The following APTX variants were observed in gnomAD, a reference collection of about 807,000 sequenced individuals.
APTX encodes the protein forkhead-associated domain histidine triad-like protein.
A neutral mutation model predicts 42.3 loss-of-function variants in APTX; 33 were observed. The ratio of observed to expected loss-of-function variants is 0.78; its 90% CI spans 0.59 to 1.04. APTX has a LOEUF of 1.04. APTX is among the 50% of genes least tolerant of loss of function. The pLI, the probability that APTX is intolerant of heterozygous loss-of-function variation, is 0.00. For missense variants in APTX, 421 were observed against 415.1 expected, an observed-to-expected ratio of 1.01 and a Z score of -0.12; for synonymous variants, 130 against 146.7, an observed-to-expected ratio of 0.89 and a Z score of 0.82.
intron 3 of APTX, 51 bp downstream of exon 3, chr9:32,988,032 C>T: frequency 6.3e-7 from 1 of 1,586,284 alleles, no homozygotes. Context: ...CTAAAGTCAA[C>T]AGCATAAGAA....
chr9:32,982,970 A>C (rs1371597863), intron 6 of APTX, among the ~76,000 whole-genome samples: 1 of 151,930 alleles, frequency 6.6e-6, no homozygotes, highest in Non-Finnish European at 1.5e-5. Context: ...TTTGAGACAG[A>C]GTCTCACTCT....
At chr9:33,017,147 C>A (rs770492860) in intron 1 of APTX, among the ~76,000 whole-genome samples, 57 of 152,168 alleles carry the variant, frequency 3.7e-4, no homozygotes, top group Non-Finnish European at 7.2e-4. Flanking sequence ...TCAGTGTGGA[C>A]ACTAATTATC....
At chr9:32,984,009 T>C (rs1831301895) in intron 6 of APTX, among the ~76,000 whole-genome samples, 2 of 152,232 alleles carry the variant, frequency 1.3e-5, no homozygotes, top group African/African-American at 2.4e-5. Context: ...AATTTTGTTA[T>C]GTATATTATA....
chr9:32,984,901 A>G lies in APTX; in HGVS notation c.544-44T>C. On this transcript the variant is annotated intron_variant, in intron 5 of 7. Transcript: ENST00000379817. The stretch of plus-strand genomic sequence containing the variant: ...AGAAGGAAACAGACATCTACTAAGA[A>G]TCTTCTGTGTGCCTGGTTGTTATAT... 3 of 1,539,866 alleles carry G rather than the reference A, an allele frequency of 1.9e-6. No homozygotes were observed. In the African/African-American group the frequency reaches 4.1e-5, roughly 21 times the overall value.
chr9:33,010,432 TGC>T (rs1301772707), intron 1 of APTX, among the ~76,000 whole-genome samples: 2 of 152,136 alleles, frequency 1.3e-5, no homozygotes, highest in Non-Finnish European at 2.9e-5. Context: ...ACAAAGTTCC[TGC>T]GTTCGCCAGG....
intron 1 of APTX, 82 bp downstream of exon 1, chr9:33,001,485 A>G (rs1257297608): frequency 1.2e-6 from 2 of 1,605,508 alleles, no homozygotes; most frequent in East Asian, 2.2e-5. Flanking sequence ...ACATCACTCA[A>G]GGGTAGGAGC....
Position 32,986,017 on chromosome 9 carries a change from T to C in APTX, c.497A>G (p.His166Arg), listed in dbSNP as rs768025332. Residue 166 changes from histidine (H) to arginine (R), a missense_variant, in exon 5 of 8, where the codon CAC (histidine) becomes CGC (arginine). Physicochemically the swap from His to Arg is conservative, Grantham distance 29 (BLOSUM62 0). Coordinates refer to ENST00000379817, the MANE Select transcript of APTX (RefSeq NM_001195248.2). Reference sequence around the variant, plus strand: ...AGAAATCTTCAAGCCTTGACTCCAGTGGCCCAGGGATTCCTAAAAAAAAAA... The same window carrying C: ...AGAAATCTTCAAGCCTTGACTCCAGCGGCCCAGGGATTCCTAAAAAAAAAA... ...DAPIKKESLG[H>R]WSQGLKISMQ... The C allele has an allele frequency of 1.3e-6, 2 of 1,485,660 alleles. No homozygotes were observed. Among genetic ancestry groups the C allele is most frequent in the Admixed American group, 4.0e-5 (2 of 50,606 alleles). 92.0% of individuals were successfully genotyped at this position (1,485,660 alleles called of 1,614,324 possible).
At chr9:33,018,284 G>A (rs1376170564) in intron 1 of APTX, among the ~76,000 whole-genome samples, 1 of 151,084 alleles carries the variant, frequency 6.6e-6, no homozygotes, top group African/African-American at 2.4e-5. Context: ...GATAATGTTT[G>A]TATTTTTAGT....
At chr9:32,990,162 T>C (rs1336958247) in intron 1 of APTX, 6 of 376,292 alleles carry the variant, frequency 1.6e-5, no homozygotes, top group Non-Finnish European at 2.9e-5. Flanking sequence ...TTATTACACA[T>C]TTATTTATTT....
At chr9:32,992,294 C>A (rs1833830752) in intron 1 of APTX, among the ~76,000 whole-genome samples, 1 of 152,174 alleles carries the variant, frequency 6.6e-6, no homozygotes, top group Non-Finnish European at 1.5e-5. Context: ...CAAGACAATG[C>A]AAGGCAAAGT....
At chr9:33,001,707 C>T, upstream of APTX, 19 of 1,486,044 alleles carry the variant, frequency 1.3e-5, no homozygotes, top group Non-Finnish European at 1.7e-5. Context: ...CTGAAAGAAT[C>T]TTGCCCACTT....
chr9:33,022,058 G>C (rs1838429536), intron 1 of APTX, among the ~76,000 whole-genome samples: 1 of 151,772 alleles, frequency 6.6e-6, no homozygotes, highest in Admixed American at 6.6e-5. Context: ...CTGATGAAGG[G>C]GAAGGTGGAG....
chr9:33,013,016 A>G (rs112058342), intron 1 of APTX, among the ~76,000 whole-genome samples: 79 of 152,316 alleles, frequency 5.2e-4, no homozygotes, highest in African/African-American at 1.8e-3. Context: ...CACAGTCAAC[A>G]TTGTTTTACT....
At chr9:32,976,679 T>C (rs763892967) in intron 6 of APTX, among the ~76,000 whole-genome samples, 1 of 152,220 alleles carries the variant, frequency 6.6e-6, no homozygotes, top group Non-Finnish European at 1.5e-5. Flanking sequence ...ATCAGAAGCT[T>C]TCACTCTTGA....
upstream of APTX, among the ~76,000 whole-genome samples, chr9:33,002,665 T>C (rs1432755020): frequency 6.6e-6 from 1 of 152,220 alleles, no homozygotes; most frequent in African/African-American, 2.4e-5. Flanking sequence ...CTAATCTCTC[T>C]TCCACTGCAA....
chr9:33,024,589 G>A (rs1320561367), intron 1 of APTX, among the ~76,000 whole-genome samples: 1 of 152,120 alleles, frequency 6.6e-6, no homozygotes, highest in Non-Finnish European at 1.5e-5. Context: ...ATCAAAGACG[G>A]TCCAAACGTC....
chr9:33,006,856 C>T (rs953872571), intron 1 of APTX, among the ~76,000 whole-genome samples: 2 of 151,600 alleles, frequency 1.3e-5, no homozygotes, highest in African/African-American at 4.8e-5. Flanking sequence ...AAAAATTAGC[C>T]GGGCAAGGTG....
chr9:32,990,066 A>T (rs1833202745), intron 1 of APTX, 171 bp from the exon 2 acceptor site: 2 of 740,262 alleles, frequency 2.7e-6, no homozygotes, highest in Non-Finnish European at 4.6e-6. Flanking sequence ...TAATGATGGG[A>T]CTCAGGAGGC....
intron 1 of APTX, among the ~76,000 whole-genome samples, chr9:33,009,392 A>C (rs1182149455): frequency 6.6e-6 from 1 of 152,086 alleles, no homozygotes; most frequent in Non-Finnish European, 1.5e-5. Context: ...ACCCCAATAC[A>C]TCAGTATATT....
Sources: gnomAD v4.1 joint callset for allele counts (sites outside exome capture counted in the v4.1 genomes callset) on GRCh38, gnomAD v4.1.1 for gene constraint, MANE v1.5 for transcripts, NCBI Gene and HGNC (gene_info 2026-07-23, HGNC 2026-07-21) for gene names.